The following DIAPH3 variants were observed in gnomAD, a reference collection of about 807,000 sequenced individuals.
DIAPH3 encodes the protein diaphanous related formin 3, also known as protein diaphanous homolog 3.
In DIAPH3, 117 loss-of-function variants were observed where a neutral mutation model predicts 144.3. The ratio of observed to expected loss-of-function variants is 0.81; its 90% confidence interval spans 0.70 to 0.95. DIAPH3 has a LOEUF of 0.95. DIAPH3 is among the 40% of genes least tolerant of loss of function. The pLI is 0.00. For missense variants in DIAPH3, 1,421 were observed against 1,412.7 expected (o/e 1.01, Z -0.09); for synonymous variants, 519 against 488.9 (o/e 1.06, Z -0.81).
chr13:59,698,026 T>C (rs751547047), intron 27 of DIAPH3, among the ~76,000 whole-genome samples: 2 of 152,208 alleles, frequency 1.3e-5, no homozygotes, highest in African/African-American at 2.4e-5. Flanking sequence ...ATTATGGTAG[T>C]CAAAGAAAGT....
chr13:60,008,164 C>G (rs1403012243), intron 9 of DIAPH3, among the ~76,000 whole-genome samples: 1 of 151,972 alleles, frequency 6.6e-6, no homozygotes. Context: ...GAGGCCGACG[C>G]GGGTAGATCA....
chr13:59,971,124 G>A lies in DIAPH3; in HGVS notation c.1687C>T (p.Pro563Ser). 1 of 1,599,982 alleles carries A rather than the reference G, an allele frequency of 6.3e-7. No individual in the cohort carries two copies. The highest frequency in any genetic ancestry group is 8.5e-7 in the Non-Finnish European group (1 of 1,172,552). Reference sequence around the variant, plus strand: ...CCAGTTCCACCTTCTTTAGAGGGAGGCAAAGGAATATTACAATCAGCTGGC... The same window carrying A: ...CCAGTTCCACCTTCTTTAGAGGGAGACAAAGGAATATTACAATCAGCTGGC... The part of the protein sequence containing the change: ...ALPADCNIPL[P>S]PSKEGGTGHS... Residue 563 changes from proline to serine, a missense_variant, in exon 16 of 28, where the codon CCT (proline) becomes TCT (serine). Pro to Ser is a moderately conservative substitution (Grantham distance 74). Coordinates refer to ENST00000400324, the MANE Select transcript of DIAPH3 (RefSeq NM_001042517.2).
intron 27 of DIAPH3, among the ~76,000 whole-genome samples, chr13:59,741,845 C>T (rs1185102177): frequency 6.6e-6 from 1 of 152,062 alleles, no homozygotes; most frequent in African/African-American, 2.4e-5. Context: ...ATATTTCCTA[C>T]CTATTGCATG....
At chr13:59,926,898 G>C (rs1266941761) in intron 17 of DIAPH3, among the ~76,000 whole-genome samples, 2 of 152,106 alleles carry the variant, frequency 1.3e-5, no homozygotes, top group East Asian at 3.8e-4. Context: ...TTTCTCCCTA[G>C]ATGGTCTGAC....
Position 60,163,911 on chromosome 13 carries a change from G to A in DIAPH3, c.-145C>T. On this transcript the variant is annotated 5_prime_UTR_variant, in exon 1 of 28. Transcript: ENST00000400324. ...GCCTAGCCCAACCGCTGAAGTCGGGGCCGCAGCCAACACATCTGAAAACTC... is the reference window on the plus strand; with the variant it reads ...GCCTAGCCCAACCGCTGAAGTCGGGACCGCAGCCAACACATCTGAAAACTC... 9.3e-7 allele frequency: 1 copy of A among 1,079,552 alleles called. No homozygotes were observed. Among genetic ancestry groups the A allele is most frequent in the Non-Finnish European group, 1.3e-6 (1 of 774,170 alleles). 66.9% of individuals were successfully genotyped at this position (1,079,552 alleles called of 1,614,324 possible).
chr13:60,053,860 A>C (rs1187448064), intron 4 of DIAPH3, among the ~76,000 whole-genome samples: 5 of 152,036 alleles, frequency 3.3e-5, no homozygotes, highest in Non-Finnish European at 5.9e-5. Context: ...GTAAAAAAAA[A>C]CTAAATCTGA....
chr13:60,137,484 G>A (rs2059314482), intron 1 of DIAPH3, among the ~76,000 whole-genome samples: 1 of 152,076 alleles, frequency 6.6e-6, no homozygotes, highest in Non-Finnish European at 1.5e-5. Context: ...AACCCAGGAG[G>A]TCCACACACA....
chr13:59,889,003 A>G (rs1668392216), intron 20 of DIAPH3, among the ~76,000 whole-genome samples: 1 of 151,832 alleles, frequency 6.6e-6, no homozygotes, highest in South Asian at 2.1e-4. Context: ...TGTGCCTTTT[A>G]TCTTTTTCCT....
chr13:59,864,282 C>A (rs181766260), intron 21 of DIAPH3, among the ~76,000 whole-genome samples: 3 of 152,058 alleles, frequency 2.0e-5, no homozygotes, highest in African/African-American at 7.2e-5. Context: ...TTTCTCTTTG[C>A]ACAGCCACCA....
intron 24 of DIAPH3, among the ~76,000 whole-genome samples, chr13:59,820,601 C>T (rs1164067605): frequency 6.6e-6 from 1 of 151,488 alleles, no homozygotes; most frequent in Non-Finnish European, 1.5e-5. Flanking sequence ...CCTAAAAGTG[C>T]AATTTAAAAA....
At chr13:60,055,910 T>C (rs895451840) in intron 4 of DIAPH3, among the ~76,000 whole-genome samples, 2 of 151,806 alleles carry the variant, frequency 1.3e-5, no homozygotes, top group Non-Finnish European at 3.0e-5. Context: ...GCATAGTTAT[T>C]TTTTGTAAAG....
chr13:59,893,437 T>C (rs1248681286), intron 20 of DIAPH3, among the ~76,000 whole-genome samples: 1 of 152,140 alleles, frequency 6.6e-6, no homozygotes, highest in Non-Finnish European at 1.5e-5. Context: ...TAACTACATG[T>C]TCAAGATTGA....
chr13:60,150,869 A>T (rs1951746402), intron 1 of DIAPH3, among the ~76,000 whole-genome samples: 1 of 152,182 alleles, frequency 6.6e-6, no homozygotes, highest in Admixed American at 6.5e-5. Flanking sequence ...CCCAGTTCAA[A>T]GGGAGCTCCA....
intron 1 of DIAPH3, among the ~76,000 whole-genome samples, chr13:60,139,443 C>T (rs1404662577): frequency 6.6e-6 from 1 of 152,180 alleles, no homozygotes; most frequent in East Asian, 1.9e-4. Context: ...ATGTATTACT[C>T]ACTATCCAAA....
At chr13:60,065,273 AAAGC>A (rs1420572149) in intron 4 of DIAPH3, among the ~76,000 whole-genome samples, 1 of 151,070 alleles carries the variant, frequency 6.6e-6, no homozygotes, top group Non-Finnish European at 1.5e-5. Flanking sequence ...AAAAAAAAAA[AAAGC>A]AGCATCTGCA....
At chr13:59,973,882 CT>C (rs1173690488) in intron 15 of DIAPH3, among the ~76,000 whole-genome samples, 1 of 152,050 alleles carries the variant, frequency 6.6e-6, no homozygotes, top group Non-Finnish European at 1.5e-5. Flanking sequence ...GATTTACTCT[CT>C]TTTTTGTCAT....
intron 21 of DIAPH3, among the ~76,000 whole-genome samples, chr13:59,876,441 A>G (rs929450011): frequency 6.6e-6 from 1 of 152,232 alleles, no homozygotes; most frequent in Non-Finnish European, 1.5e-5. Flanking sequence ...TTGCCGACTA[A>G]CTGTAGTAAA....
At chr13:59,695,887 T>C (rs1232698920) in intron 27 of DIAPH3, 2 of 152,292 alleles carry the variant, frequency 1.3e-5, no homozygotes, top group East Asian at 1.9e-4. Flanking sequence ...AATTTAATAA[T>C]ATAAAAGAGG....
chr13:60,108,929 T>C (rs1452347819), intron 3 of DIAPH3, among the ~76,000 whole-genome samples: 2 of 151,940 alleles, frequency 1.3e-5, no homozygotes, highest in African/African-American at 4.8e-5. Context: ...ATATGATGAG[T>C]TCACTTTCTG....
Sources: allele counts gnomAD v4.1 joint callset (sites outside exome capture counted in the v4.1 genomes callset), GRCh38; gene constraint gnomAD v4.1.1; transcripts MANE v1.5; gene names NCBI Gene and HGNC (gene_info 2026-07-23, HGNC 2026-07-21).